Variants in ERC1 observed in about 807,000 individuals in gnomAD.
ERC1 encodes RAB6 interacting protein 2.
In ERC1, 56 loss-of-function variants were observed where a neutral mutation model predicts 132.0. The observed-to-expected ratio is 0.42, with a 90% CI of 0.34 to 0.53. The LOEUF is 0.53. Ranked by LOEUF, ERC1 falls within the 20% of genes least tolerant of loss-of-function variation. ERC1 has a pLI of 0.03. For missense variants in ERC1, 1,202 were observed against 1,349.9 expected, an observed-to-expected ratio of 0.89 and a Z score of 1.72; for synonymous variants, 478 against 476.1, an observed-to-expected ratio of 1.00 and a Z score of -0.05.
At chr12:1,069,029 A>G (rs1353531625) in intron 2 of ERC1, among the ~76,000 whole-genome samples, 4 of 152,308 alleles carry the variant, frequency 2.6e-5, no homozygotes, top group East Asian at 3.9e-4. Flanking sequence ...TATTCCATAG[A>G]TGTAATTTTA....
At chr12:1,337,695 A>G (rs2083429777) in intron 15 of ERC1, among the ~76,000 whole-genome samples, 1 of 152,154 alleles carries the variant, frequency 6.6e-6, no homozygotes, top group Non-Finnish European at 1.5e-5. Flanking sequence ...TCCTTTCCAT[A>G]TTTAGTGCTT....
intron 13 of ERC1, among the ~76,000 whole-genome samples, chr12:1,256,583 GGTGTT>G: frequency 6.7e-6 from 1 of 150,068 alleles, no homozygotes. Flanking sequence ...GAGTATTCTT[GGTGTT>G]GAACTATTTA....
chr12:1,152,587 G>A (rs1716902461), intron 8 of ERC1: 1 of 152,766 alleles, frequency 6.5e-6, no homozygotes, highest in African/African-American at 2.4e-5. Flanking sequence ...CTTACATGTG[G>A]AGTAGGTGGT....
intron 18 of ERC1, among the ~76,000 whole-genome samples, chr12:1,464,511 C>CTTTTTTT (rs34542821): frequency 1.5e-4 from 10 of 67,398 alleles, no homozygotes; most frequent in African/African-American, 5.0e-4. Flanking sequence ...ATGCAAAAGC[C>CTTTTTTT]TTTTTTTTTT....
intron 18 of ERC1, among the ~76,000 whole-genome samples, chr12:1,485,411 G>GC (rs1565534367): frequency 2.0e-5 from 3 of 150,944 alleles, no homozygotes. Context: ...CACCACATTG[G>GC]CCAGGCTGGT....
intron 2 of ERC1, among the ~76,000 whole-genome samples, chr12:1,043,048 CTTT>C (rs397940397): frequency 8.4e-6 from 1 of 119,020 alleles, no homozygotes; most frequent in Non-Finnish European, 1.8e-5. Flanking sequence ...CTTTTCTTTT[CTTT>C]TTTTTTTTTT....
chr12:1,048,832 A>G (rs1333119969), intron 2 of ERC1, among the ~76,000 whole-genome samples: 1 of 152,238 alleles, frequency 6.6e-6, no homozygotes, highest in Non-Finnish European at 1.5e-5. Context: ...GATCTGTATC[A>G]CAGAGACTTC....
intron 13 of ERC1, among the ~76,000 whole-genome samples, chr12:1,261,120 G>T (rs1158019567): frequency 6.6e-6 from 1 of 152,120 alleles, no homozygotes; most frequent in Non-Finnish European, 1.5e-5. Flanking sequence ...TATTGATACA[G>T]CCACAAAGCT....
intron 8 of ERC1, among the ~76,000 whole-genome samples, chr12:1,161,521 A>G (rs561490721): frequency 3.0e-4 from 46 of 152,346 alleles, no homozygotes; most frequent in African/African-American, 9.6e-4. Context: ...TGGCAAAATT[A>G]TACCCAATTT....
chr12:1,316,013 C>T (rs563933248), intron 15 of ERC1, among the ~76,000 whole-genome samples: 123 of 152,210 alleles, frequency 8.1e-4, no homozygotes, highest in Non-Finnish European at 1.5e-3. Context: ...TCAGCCTCCC[C>T]CAGCAGCTGG....
chr12:1,091,682 T>G (rs1436246547), intron 3 of ERC1, among the ~76,000 whole-genome samples: 1 of 152,312 alleles, frequency 6.6e-6, no homozygotes, highest in Non-Finnish European at 1.5e-5. Flanking sequence ...TTATTCAAAA[T>G]GGGAGAGAAA....
At chr12:1,436,155 G>GACACACACACACAC (rs139467911) in intron 17 of ERC1, among the ~76,000 whole-genome samples, 1 of 148,630 alleles carries the variant, frequency 6.7e-6, no homozygotes, top group Non-Finnish European at 1.5e-5. Flanking sequence ...CAGACAGACG[G>GACACACACACACAC]ACACACACAC....
intron 2 of ERC1, among the ~76,000 whole-genome samples, chr12:1,067,596 CA>C (rs773229745): frequency 9.9e-5 from 15 of 152,134 alleles, no homozygotes; most frequent in Non-Finnish European, 1.6e-4. Flanking sequence ...CATGAGTGCT[CA>C]GGGGTGTGCC....
At chr12:1,025,098 G>A (rs7972526) in intron 1 of ERC1, among the ~76,000 whole-genome samples, 14,114 of 151,998 alleles carry the variant, frequency 0.093, 1,002 homozygotes, top group African/African-American at 0.2. Flanking sequence ...ATCTGGATAC[G>A]TTCTACTGGA....
chr12:1,201,932 C>T (rs768712355), intron 12 of ERC1, among the ~76,000 whole-genome samples: 31 of 152,012 alleles, frequency 2.0e-4, no homozygotes, highest in Admixed American at 1.2e-3. Flanking sequence ...ACTGGGGCTG[C>T]GGATGGTGGC....
intron 15 of ERC1, among the ~76,000 whole-genome samples, chr12:1,293,427 T>C (rs1434178837): frequency 8.3e-6 from 1 of 120,864 alleles, no homozygotes; most frequent in Admixed American, 8.0e-5. Flanking sequence ...CACTCCAGCC[T>C]GGGCGACAGA....
At chr12:1,236,015 CG>C (rs146019529) in intron 12 of ERC1, among the ~76,000 whole-genome samples, 10,207 of 151,910 alleles carry the variant, frequency 0.067, 827 homozygotes, top group African/African-American at 0.2. Context: ...GTCTAAGTCT[CG>C]AAACCTATTG....
At chr12:1,477,020 G>A (rs2093987798) in intron 18 of ERC1, among the ~76,000 whole-genome samples, 2 of 152,190 alleles carry the variant, frequency 1.3e-5, no homozygotes, top group Non-Finnish European at 1.5e-5. Context: ...GATTTGATGT[G>A]TAAAGGGAAC....
chr12:1,041,168 T>C (rs61918702), intron 2 of ERC1, among the ~76,000 whole-genome samples: 23,349 of 151,768 alleles, frequency 0.15, 2,128 homozygotes, highest in Non-Finnish European at 0.2. Flanking sequence ...TTATCATAAG[T>C]AACGTTTTAA....
Sources: gnomAD v4.1 joint callset for allele counts (sites outside exome capture counted in the v4.1 genomes callset) on GRCh38, gnomAD v4.1.1 for gene constraint, MANE v1.5 for transcripts, NCBI Gene and HGNC (gene_info 2026-07-23, HGNC 2026-07-21) for gene names.